PTPRN2: variants seen among roughly 807,000 people sequenced by gnomAD.
PTPRN2 encodes receptor-type tyrosine-protein phosphatase N2.
PTPRN2 carries 74 observed loss-of-function variants against 118.8 expected under a neutral mutation model. That is an observed-to-expected ratio of 0.62 (90% CI 0.52 to 0.76). The LOEUF (loss-of-function observed/expected upper bound fraction) is 0.76. Among genes scored for constraint, PTPRN2 ranks in the 30% least tolerant of loss-of-function variants. The pLI, the probability that PTPRN2 is intolerant of heterozygous loss-of-function variation, is 0.00. For synonymous variants in PTPRN2, 641 were observed against 608.0 expected (o/e 1.05, Z -0.80); for missense variants, 1,481 against 1,394.4 (o/e 1.06, Z -0.99).
chr7:157,827,609 A>G (rs1310122609), intron 12 of PTPRN2, among the ~76,000 whole-genome samples: 1 of 152,168 alleles, frequency 6.6e-6, no homozygotes, highest in Non-Finnish European at 1.5e-5. Flanking sequence ...TGGCCCAGGG[A>G]GTGGGCACTG....
chr7:158,036,113 T>A (rs934924065), intron 11 of PTPRN2, among the ~76,000 whole-genome samples: 3 of 152,178 alleles, frequency 2.0e-5, no homozygotes, highest in Admixed American at 1.3e-4. Context: ...AAAGGAAAGA[T>A]GCAAAATAAA....
chr7:158,547,966 C>T (rs554766253), intron 1 of PTPRN2, among the ~76,000 whole-genome samples: 1 of 152,368 alleles, frequency 6.6e-6, no homozygotes, highest in South Asian at 2.1e-4. Context: ...ATGGGGGTCA[C>T]CCACTCCGAC....
At chr7:157,993,348 A>T (rs1010659217) in intron 11 of PTPRN2, among the ~76,000 whole-genome samples, 2 of 151,822 alleles carry the variant, frequency 1.3e-5, no homozygotes, top group African/African-American at 4.8e-5. Context: ...AAACCACCTA[A>T]GCAGCCCTGA....
rs111620339 is a variant in PTPRN2 at position 157,576,593 on chromosome 7, C to G, written c.2783+20G>C. ...GCGCGCTCAGCGCGCACTGCCCTGC[C>G]GGCGGGCCGCGCGTCATACCTGCGG... On this transcript the variant is annotated intron_variant, in intron 19 of 22. Coordinates refer to ENST00000389418, the MANE Select transcript of PTPRN2 (RefSeq NM_002847.5). 1 of 1,595,216 alleles carries G rather than the reference C, an allele frequency of 6.3e-7. No homozygotes were observed. Among genetic ancestry groups the G allele is most frequent in the Non-Finnish European group, 8.6e-7 (1 of 1,168,680 alleles).
chr7:158,082,628 G>A, intron 10 of PTPRN2, among the ~76,000 whole-genome samples: 1 of 152,342 alleles, frequency 6.6e-6, no homozygotes, highest in East Asian at 1.9e-4. Flanking sequence ...GCTCTGAGGA[G>A]CAAACAGCAT....
At chr7:157,798,544 G>GAC (rs139174679) in intron 12 of PTPRN2, among the ~76,000 whole-genome samples, 25 of 151,476 alleles carry the variant, frequency 1.7e-4, no homozygotes, top group African/African-American at 5.3e-4. Flanking sequence ...GACACACACG[G>GAC]ACACACACAC....
At chr7:158,497,838 C>T (rs552845082) in intron 1 of PTPRN2, among the ~76,000 whole-genome samples, 1 of 152,242 alleles carries the variant, frequency 6.6e-6, no homozygotes, top group African/African-American at 2.4e-5. Flanking sequence ...GACACCTGTC[C>T]GTCCCCTGTG....
chr7:157,689,646 G>C (rs1797373437), intron 12 of PTPRN2, among the ~76,000 whole-genome samples: 1 of 152,242 alleles, frequency 6.6e-6, no homozygotes, highest in Non-Finnish European at 1.5e-5. Flanking sequence ...AGGTAGTTAC[G>C]AAGGAAGGAA....
chr7:157,997,411 C>T (rs1804836991), intron 11 of PTPRN2, among the ~76,000 whole-genome samples: 1 of 152,246 alleles, frequency 6.6e-6, no homozygotes, highest in East Asian at 1.9e-4. Flanking sequence ...GGACAGGGGG[C>T]TGCTCTTTCC....
intron 1 of PTPRN2, chr7:158,532,776 A>G (rs773873816): frequency 1.9e-6 from 1 of 534,714 alleles, no homozygotes; most frequent in Non-Finnish European, 3.8e-6. Context: ...ACAAGACTAC[A>G]TTGAGCGTGC....
At chr7:158,459,526 C>T (rs537477653) in intron 2 of PTPRN2, among the ~76,000 whole-genome samples, 33 of 152,318 alleles carry the variant, frequency 2.2e-4, no homozygotes, top group African/African-American at 7.7e-4. Context: ...GCCGCAAACC[C>T]ATGCACGCCT....
At chr7:157,656,316 C>T in intron 14 of PTPRN2, 41 bp downstream of exon 14, 1 of 1,514,550 alleles carries the variant, frequency 6.6e-7, no homozygotes, top group Non-Finnish European at 8.9e-7. Context: ...GAAGGAGGGC[C>T]CTGGTGTTTG....
intron 4 of PTPRN2, 42 bp from the exon 5 acceptor site, chr7:158,192,537 T>C (rs910406154): frequency 5.8e-6 from 9 of 1,554,136 alleles, no homozygotes; most frequent in Non-Finnish European, 7.8e-6. Context: ...GCATGTTTGC[T>C]GGTGCCTGGA....
At chr7:158,397,104 G>A (rs1281944742) in intron 2 of PTPRN2, among the ~76,000 whole-genome samples, 4 of 152,240 alleles carry the variant, frequency 2.6e-5, no homozygotes, top group African/African-American at 9.6e-5. Flanking sequence ...GCCATCTGCT[G>A]TAAGAGTGCC....
intron 1 of PTPRN2, among the ~76,000 whole-genome samples, chr7:158,573,176 T>A (rs567170015): frequency 6.6e-6 from 1 of 152,318 alleles, no homozygotes; most frequent in East Asian, 1.9e-4. Flanking sequence ...TACAGATGCC[T>A]CATCTGATCA....
intron 12 of PTPRN2, among the ~76,000 whole-genome samples, chr7:157,748,445 AGCTGTGGGGTGTCTGGGTG>A (rs1801175558): frequency 1.4e-5 from 2 of 147,668 alleles, no homozygotes; most frequent in Non-Finnish European, 3.0e-5. Flanking sequence ...TGTGTCCCTG[AGCTGTGGGGTGTCTGGGTG>A]ATTCTGAGGC....
At chr7:157,859,606 G>A (rs1337450443) in intron 12 of PTPRN2, among the ~76,000 whole-genome samples, 1 of 47,774 alleles carries the variant, frequency 2.1e-5, no homozygotes, top group Admixed American at 1.6e-4. Flanking sequence ...TGCAGGGAGA[G>A]CCCCCCAGCC....
At chr7:157,754,377 C>T (rs1039640635) in intron 12 of PTPRN2, among the ~76,000 whole-genome samples, 3 of 152,260 alleles carry the variant, frequency 2.0e-5, no homozygotes, top group African/African-American at 4.8e-5. Context: ...GGCGGACATG[C>T]CCCGACACTC....
rs530073356 is a variant in PTPRN2, at chr7:158,139,888, G to A, written c.911-1373C>T. Reference sequence around the variant, plus strand: ...TTCAATCCAGGAGTTTATATCCAATGACAATATCCTTCAAACGAGAGGGTA... The same window carrying A: ...TTCAATCCAGGAGTTTATATCCAATAACAATATCCTTCAAACGAGAGGGTA... On this transcript the variant is annotated intron_variant, in intron 6 of 22. Coordinates refer to ENST00000389418, the MANE Select transcript of PTPRN2 (RefSeq NM_002847.5). 2.4e-4 allele frequency among the ~76,000 whole-genome samples: 37 copies of A among 152,250 alleles called. No homozygotes were observed. The South Asian group carries it at 7.1e-3, about 29-fold the overall frequency.
Sources: gnomAD v4.1 joint callset for allele counts (sites outside exome capture counted in the v4.1 genomes callset) on GRCh38, gnomAD v4.1.1 for gene constraint, MANE v1.5 for transcripts, NCBI Gene and HGNC (gene_info 2026-07-23, HGNC 2026-07-21) for gene names.